The following NRCAM variants were observed in gnomAD, a reference collection of about 807,000 sequenced individuals.
NRCAM encodes neuronal cell adhesion molecule, also known as NgCAM-related cell adhesion molecule.
In NRCAM, 83 loss-of-function variants were observed where a neutral mutation model predicts 156.5. That is an observed-to-expected ratio of 0.53 (90% CI 0.44 to 0.64). The LOEUF is 0.64. NRCAM is among the 30% of genes least tolerant of loss of function. NRCAM has a pLI of 0.00. For synonymous variants in NRCAM, 538 were observed against 563.9 expected (o/e 0.95, Z 0.65); for missense variants, 1,417 against 1,597.3 (o/e 0.89, Z 1.92).
intron 1 of NRCAM, among the ~76,000 whole-genome samples, chr7:108,427,777 G>A (rs1819263550): frequency 6.6e-6 from 1 of 150,878 alleles, no homozygotes; most frequent in Non-Finnish European, 1.5e-5. Flanking sequence ...GCAAACAAAA[G>A]TGATTGTTTT....
chr7:108,438,899 C>T lies in NRCAM; in HGVS notation c.-332+17344G>A, dbSNP rs575576500. Among the ~76,000 whole-genome samples the T allele has an allele frequency of 2.6e-3, 388 of 152,058 alleles. 3 individuals carry two copies. The highest frequency in any genetic ancestry group is 9.0e-3 in the African/African-American group (373 of 41,478). Reference sequence around the variant, plus strand: ...CAATAGCACCACAAAAAATAAAATACTTTAAAATAAATTTAACAAAAAAAT... The same window carrying T: ...CAATAGCACCACAAAAAATAAAATATTTTAAAATAAATTTAACAAAAAAAT... On this transcript the variant is annotated intron_variant, in intron 1 of 32. Coordinates refer to ENST00000379028, the MANE Select transcript of NRCAM (RefSeq NM_001037132.4).
intron 8 of NRCAM, among the ~76,000 whole-genome samples, chr7:108,226,734 A>T (rs2093526801): frequency 6.6e-6 from 1 of 152,200 alleles, no homozygotes. Context: ...ACACATACAC[A>T]TATATCTTAG....
intron 11 of NRCAM, among the ~76,000 whole-genome samples, chr7:108,218,093 T>A (rs948668679): frequency 1.3e-5 from 2 of 149,946 alleles, no homozygotes; most frequent in African/African-American, 2.5e-5. Flanking sequence ...GCAAAGACCA[T>A]GGGCAAAGCA....
intron 1 of NRCAM, among the ~76,000 whole-genome samples, chr7:108,443,990 A>C (rs1457473007): frequency 6.6e-6 from 1 of 152,166 alleles, no homozygotes; most frequent in Non-Finnish European, 1.5e-5. Flanking sequence ...AGAGAGAGAG[A>C]GATAGGGATA....
At chr7:108,215,343 G>A (rs1171453001) in intron 11 of NRCAM, among the ~76,000 whole-genome samples, 2 of 151,602 alleles carry the variant, frequency 1.3e-5, no homozygotes, top group Non-Finnish European at 2.9e-5. Flanking sequence ...CTCCCAAGTA[G>A]CTGGGACTAC....
At chr7:108,455,810 C>T (rs944145913) in intron 1 of NRCAM, among the ~76,000 whole-genome samples, 4 of 152,182 alleles carry the variant, frequency 2.6e-5, no homozygotes, top group African/African-American at 9.6e-5. Context: ...CGTGACGCCC[C>T]GCGCCTCCGT....
intron 3 of NRCAM, among the ~76,000 whole-genome samples, chr7:108,296,480 A>G (rs921838709): frequency 6.6e-6 from 1 of 152,166 alleles, no homozygotes; most frequent in Non-Finnish European, 1.5e-5. Context: ...CATGTCTGAT[A>G]TGTGACTGAA....
At chr7:108,213,688 T>A (rs71568512) in intron 11 of NRCAM, among the ~76,000 whole-genome samples, 36,459 of 152,152 alleles carry the variant, frequency 0.24, 4,616 homozygotes, top group Non-Finnish European at 0.28. Flanking sequence ...CATTATATAA[T>A]GGTAAAAGGC....
At chr7:108,359,278 TA>T (rs1466555925) in intron 2 of NRCAM, among the ~76,000 whole-genome samples, 1 of 152,164 alleles carries the variant, frequency 6.6e-6, no homozygotes, top group Non-Finnish European at 1.5e-5. Context: ...CAGATGTTCA[TA>T]AACAGTGCTT....
rs759140352 is a variant in NRCAM, at chr7:108,234,683, G to A, written c.130C>T (p.Gln44Ter). 2 of 1,587,354 alleles carry A rather than the reference G, an allele frequency of 1.3e-6. No individual in the cohort carries two copies. The highest frequency in any genetic ancestry group is 1.7e-5 in the Admixed American group (1 of 59,688). ...GACTGTTGGGTGATGGTTGGAGGCT[G>A]TACCACTTAATTGTAGAAAAAAAAA... Reference protein sequence around the residue: ...LDPKLLEDLVQPPTITQQSPK... With the variant: ...LDPKLLEDLV The change falls in exon 6 of 33, where the codon CAG becomes TAG. Residue 44 changes from glutamine to a stop codon, truncating the protein, a stop_gained. Coordinates refer to ENST00000379028, the MANE Select transcript of NRCAM (RefSeq NM_001037132.4). LOFTEE classifies it high-confidence loss of function.
At chr7:108,430,931 CCT>C (rs559006271) in intron 1 of NRCAM, among the ~76,000 whole-genome samples, 6 of 152,118 alleles carry the variant, frequency 3.9e-5, no homozygotes, top group Non-Finnish European at 8.8e-5. Flanking sequence ...CTTGCAGGTT[CCT>C]CTTTCTTCTG....
At position 108,384,528 on chromosome 7, in the gene NRCAM, G is replaced by T. The variant is rs538683778; in HGVS notation, c.-174+14908C>A. 6.6e-5 allele frequency among the ~76,000 whole-genome samples: 10 copies of T among 152,298 alleles called. No homozygotes were observed. The South Asian group carries it at 1.9e-3, about 28-fold the overall frequency. Reference sequence around the variant, plus strand: ...TGTTAAGAGTCCTCTTCAAAGGAAAGGAGATTTGGCAGAGGAGATTTGAAG... The same window carrying T: ...TGTTAAGAGTCCTCTTCAAAGGAAATGAGATTTGGCAGAGGAGATTTGAAG... On this transcript the variant is annotated intron_variant, in intron 2 of 32. Coordinates refer to ENST00000379028, the MANE Select transcript of NRCAM (RefSeq NM_001037132.4).
chr7:108,224,403 A>AT (rs1051938147), intron 10 of NRCAM, among the ~76,000 whole-genome samples: 1 of 152,140 alleles, frequency 6.6e-6, no homozygotes, highest in Non-Finnish European at 1.5e-5. Context: ...TCTTGCAAAT[A>AT]TTATGCCACA....
intron 2 of NRCAM, among the ~76,000 whole-genome samples, chr7:108,316,167 T>C (rs1469138904): frequency 6.6e-6 from 1 of 152,174 alleles, no homozygotes; most frequent in African/African-American, 2.4e-5. Flanking sequence ...CACGTCAATA[T>C]TGTGGGAGTA....
At chr7:108,351,106 A>G (rs7809783) in intron 2 of NRCAM, among the ~76,000 whole-genome samples, 89,684 of 151,956 alleles carry the variant, frequency 0.59, 26,836 homozygotes, top group East Asian at 0.82. Context: ...ACTGCTGACA[A>G]GTGGGACCTT....
chr7:108,239,808 A>G, intron 4 of NRCAM, 151 bp downstream of exon 4: 1 of 521,086 alleles, frequency 1.9e-6, no homozygotes, highest in East Asian at 3.2e-5. Context: ...ATCTTTATAA[A>G]CACCAGGTGC....
intron 1 of NRCAM, among the ~76,000 whole-genome samples, chr7:108,427,310 C>T (rs1385887822): frequency 6.6e-6 from 1 of 152,210 alleles, no homozygotes; most frequent in African/African-American, 2.4e-5. Flanking sequence ...TGCTAGTCCT[C>T]ACTCAACTCC....
chr7:108,242,513 C>T (rs921549482), intron 3 of NRCAM, among the ~76,000 whole-genome samples: 1 of 152,096 alleles, frequency 6.6e-6, no homozygotes, highest in African/African-American at 2.4e-5. Context: ...ATCATTTAGT[C>T]AAATTTAATT....
chr7:108,252,557 C>T (rs904163178), intron 3 of NRCAM, among the ~76,000 whole-genome samples: 1 of 152,196 alleles, frequency 6.6e-6, no homozygotes, highest in African/African-American at 2.4e-5. Flanking sequence ...AAATACCCTT[C>T]CAGAAATAGC....
Sources: allele counts gnomAD v4.1 joint callset (sites outside exome capture counted in the v4.1 genomes callset), GRCh38; gene constraint gnomAD v4.1.1; transcripts MANE v1.5; gene names NCBI Gene and HGNC (gene_info 2026-07-23, HGNC 2026-07-21).